Variants in TFPI observed in about 807,000 individuals in gnomAD.
The protein encoded by TFPI is tissue factor pathway inhibitor.
TFPI carries 15 observed loss-of-function variants against 34.6 expected under a neutral mutation model. That is an observed-to-expected ratio of 0.43 (90% CI 0.29 to 0.67). The LOEUF is 0.67. TFPI is among the 30% of genes least tolerant of loss of function. The pLI, the probability that TFPI is intolerant of heterozygous loss-of-function variation, is 0.15. For missense variants in TFPI, 301 were observed against 364.0 expected (o/e 0.83, Z 1.41); for synonymous variants, 105 against 120.1 (o/e 0.87, Z 0.82).
intron 1 of TFPI, chr2:187,518,316 C>T (rs746180374): frequency 1.3e-5 from 2 of 152,174 alleles, no homozygotes; most frequent in Non-Finnish European, 2.9e-5. Context: ...CCTAGAGGAG[C>T]TCTTTTAAGG....
Position 187,546,888 on chromosome 2 carries a change from A to G in TFPI, c.-3+7312T>C, listed in dbSNP as rs185425975. ...AAAATCAATCTATTAATTCATAATG[A>G]ATGGGATATCTTGTGGGAGGTACAT... is the stretch of plus-strand genomic sequence containing the variant. On this transcript the variant is annotated intron_variant, in intron 1 of 7. Transcript: ENST00000233156. 10 of 152,324 alleles carry G rather than the reference A, an allele frequency of 6.6e-5. No homozygotes were observed. The East Asian group carries it at 1.7e-3, about 26-fold the overall frequency. 9.4% of individuals were successfully genotyped at this position (152,324 alleles called of 1,614,324 possible). A position where few individuals can be genotyped will look rare whatever the true frequency, so the allele number is the denominator to read the frequency against.
At chr2:187,515,201 A>G (rs1686917113) in intron 1 of TFPI, 2 of 152,268 alleles carry the variant, frequency 1.3e-5, no homozygotes, top group African/African-American at 4.8e-5. Flanking sequence ...GAAGTGGATA[A>G]GCTAACTCTT....
chr2:187,469,644 T>A (rs1017459727), intron 6 of TFPI, among the ~76,000 whole-genome samples: 1 of 152,140 alleles, frequency 6.6e-6, no homozygotes, highest in African/African-American at 2.4e-5. Context: ...CAGAAATCCC[T>A]AACACAATAC....
chr2:187,537,544 A>C (rs1688329126), intron 1 of TFPI, among the ~76,000 whole-genome samples: 2 of 152,210 alleles, frequency 1.3e-5, no homozygotes, highest in Admixed American at 1.3e-4. Flanking sequence ...ATATGCAGAA[A>C]ACAGGAACTG....
At chr2:187,541,075 C>T (rs918949913) in intron 1 of TFPI, among the ~76,000 whole-genome samples, 2 of 151,940 alleles carry the variant, frequency 1.3e-5, no homozygotes, top group Admixed American at 1.3e-4. Flanking sequence ...TATATCTTCT[C>T]CATATTTCAT....
chr2:187,501,299 T>TC (rs1322430447), intron 2 of TFPI, among the ~76,000 whole-genome samples: 2 of 109,490 alleles, frequency 1.8e-5, no homozygotes, highest in African/African-American at 6.9e-5. Flanking sequence ...TCCCCTTCCC[T>TC]CCCCCCGCCC....
chr2:187,477,085 T>C (rs1287112355), intron 6 of TFPI, among the ~76,000 whole-genome samples: 7 of 152,202 alleles, frequency 4.6e-5, no homozygotes, highest in African/African-American at 1.4e-4. Context: ...AGGACTTTTA[T>C]GACTGGGGCA....
chr2:187,482,773 G>T (rs568964867), intron 6 of TFPI, among the ~76,000 whole-genome samples: 135 of 152,014 alleles, frequency 8.9e-4, no homozygotes, highest in Admixed American at 1.9e-3. Flanking sequence ...GCTTAGGCTG[G>T]GTTGAGGGGG....
At chr2:187,534,907 A>T (rs954720421) in intron 1 of TFPI, among the ~76,000 whole-genome samples, 42 of 150,450 alleles carry the variant, frequency 2.8e-4, no homozygotes, top group African/African-American at 3.9e-4. Flanking sequence ...AAAAAAAAAT[A>T]AAAAAATAAA....
At chr2:187,490,590 ATC>A (rs1685052739) in intron 3 of TFPI, among the ~76,000 whole-genome samples, 1 of 151,250 alleles carries the variant, frequency 6.6e-6, no homozygotes, top group Admixed American at 6.6e-5. Flanking sequence ...TTCACTTTTA[ATC>A]TCTCTGTCCT....
intron 6 of TFPI, among the ~76,000 whole-genome samples, chr2:187,483,375 T>G (rs1441322264): frequency 1.3e-5 from 2 of 152,010 alleles, no homozygotes; most frequent in African/African-American, 4.8e-5. Flanking sequence ...TCACATGGAC[T>G]ACTTCTAAAC....
rs8176411 is a variant in TFPI, at chr2:187,504,900, A to G, written c.-2-1130T>C. Among the ~76,000 whole-genome samples, 681 of 152,236 alleles carry G rather than the reference A, an allele frequency of 4.5e-3. 2 individuals are homozygous for G. Among genetic ancestry groups the G allele is most frequent in the African/African-American group, 9.2e-3 (381 of 41,562 alleles). Reference sequence around the variant, plus strand: ...TAATAATTAAGTAATAAATGTTATTATGCTTTAAGTTTCATTAAAATCACT... The same window carrying G: ...TAATAATTAAGTAATAAATGTTATTGTGCTTTAAGTTTCATTAAAATCACT... On this transcript the variant is annotated intron_variant, in intron 1 of 7. Coordinates refer to ENST00000233156, the MANE Select transcript of TFPI (RefSeq NM_006287.6).
chr2:187,541,470 G>A (rs1688579991), intron 1 of TFPI, among the ~76,000 whole-genome samples: 1 of 152,134 alleles, frequency 6.6e-6, no homozygotes, highest in African/African-American at 2.4e-5. Context: ...TTAATTCAAG[G>A]TGAGGCAGTT....
chr2:187,497,098 G>A lies in TFPI; in HGVS notation c.122-20C>T, dbSNP rs747678031. 3 of 1,591,204 alleles carry A rather than the reference G, an allele frequency of 1.9e-6. No individual in the cohort carries two copies. The highest frequency in any genetic ancestry group is 3.4e-5 in the Admixed American group (2 of 58,848). On this transcript the variant is annotated intron_variant, in intron 2 of 7. Transcript: ENST00000233156. ...CCGTATCTATAAAGTAAAAATAAAA[G>A]ATATAACATGTAATCTCCATCAACA...
intron 6 of TFPI, among the ~76,000 whole-genome samples, chr2:187,479,960 G>A (rs1170573467): frequency 2.0e-5 from 3 of 152,028 alleles, no homozygotes; most frequent in Admixed American, 2.0e-4. Flanking sequence ...AAAAAGTTCG[G>A]AAAGTTGGAA....
chr2:187,491,487 C>T (rs577984333), intron 3 of TFPI, among the ~76,000 whole-genome samples: 49 of 152,140 alleles, frequency 3.2e-4, no homozygotes, highest in South Asian at 1.2e-3. Context: ...AGATAATAGC[C>T]TCCAGTTCCA....
intron 6 of TFPI, among the ~76,000 whole-genome samples, chr2:187,482,731 T>C (rs1334035344): frequency 6.6e-6 from 1 of 151,880 alleles, no homozygotes; most frequent in African/African-American, 2.4e-5. Flanking sequence ...AGAAAGGCAT[T>C]TATACTTTAG....
At chr2:187,539,226 G>A (rs903430694) in intron 1 of TFPI, among the ~76,000 whole-genome samples, 30 of 152,142 alleles carry the variant, frequency 2.0e-4, no homozygotes, top group African/African-American at 6.8e-4. Flanking sequence ...TTTACAGAGT[G>A]TGAGAATGCA....
chr2:187,479,356 G>GTC (rs901165649), intron 6 of TFPI, among the ~76,000 whole-genome samples: 14 of 150,474 alleles, frequency 9.3e-5, no homozygotes, highest in Admixed American at 2.6e-4. Context: ...GTTCCTTTTT[G>GTC]TCTCTCTCTC....
Sources: allele counts gnomAD v4.1 joint callset (sites outside exome capture counted in the v4.1 genomes callset), GRCh38; gene constraint gnomAD v4.1.1; transcripts MANE v1.5; gene names NCBI Gene and HGNC (gene_info 2026-07-23, HGNC 2026-07-21).